The following FARP1 variants were observed in gnomAD, a reference collection of about 807,000 sequenced individuals.
The protein encoded by FARP1 is FERM, ARHGEF and pleckstrin domain-containing protein 1.
FARP1 carries 52 observed loss-of-function variants against 128.8 expected under a neutral mutation model. That is an observed-to-expected ratio of 0.40 (90% CI 0.32 to 0.51). The LOEUF (loss-of-function observed/expected upper bound fraction) is 0.51. Among genes scored for constraint, FARP1 ranks in the 20% least tolerant of loss-of-function variants. The pLI, the probability that FARP1 is intolerant of heterozygous loss-of-function variation, is 0.45. For synonymous variants in FARP1, 580 were observed against 551.8 expected (o/e 1.05, Z -0.72); for missense variants, 1,333 against 1,367.9 (o/e 0.97, Z 0.40).
intron 5 of FARP1, among the ~76,000 whole-genome samples, chr13:98,373,543 C>G (rs1279854348): frequency 1.0e-3 from 146 of 146,096 alleles, no homozygotes; most frequent in South Asian, 3.9e-3. Flanking sequence ...GACACACACA[C>G]ACACACACAC....
At chr13:98,244,394 A>G (rs1038212756) in intron 2 of FARP1, 2 of 1,117,104 alleles carry the variant, frequency 1.8e-6, no homozygotes, top group African/African-American at 1.6e-5. Flanking sequence ...ATCACTTCCA[A>G]AACTTTGCTG....
chr13:98,168,451 A>C (rs1877434351), intron 1 of FARP1, among the ~76,000 whole-genome samples: 1 of 152,210 alleles, frequency 6.6e-6, no homozygotes, highest in African/African-American at 2.4e-5. Context: ...TCAGATCATT[A>C]GATATCCTGT....
chr13:98,385,947 T>C, intron 8 of FARP1, 133 bp downstream of exon 8: 1 of 893,944 alleles, frequency 1.1e-6, no homozygotes, highest in Non-Finnish European at 1.7e-6. Context: ...AAAATTAACC[T>C]CATCTCAGGC....
intron 3 of FARP1, among the ~76,000 whole-genome samples, chr13:98,349,172 C>G (rs1888302163): frequency 6.6e-6 from 1 of 152,152 alleles, no homozygotes; most frequent in South Asian, 2.1e-4. Context: ...TAGGTTGATT[C>G]TTAACTTCCT....
chr13:98,157,530 C>T (rs1452256265), intron 1 of FARP1, among the ~76,000 whole-genome samples: 1 of 152,196 alleles, frequency 6.6e-6, no homozygotes, highest in Non-Finnish European at 1.5e-5. Flanking sequence ...CGTGCTTGTA[C>T]TGGCGTGTTT....
intron 16 of FARP1, among the ~76,000 whole-genome samples, chr13:98,421,867 A>AT (rs562180790): frequency 0.015 from 2,268 of 148,736 alleles, 47 homozygotes; most frequent in African/African-American, 0.048. Flanking sequence ...AAAAAAAAAA[A>AT]TTTTTTTTAA....
intron 2 of FARP1, among the ~76,000 whole-genome samples, chr13:98,238,925 C>T (rs1362802087): frequency 6.6e-6 from 1 of 152,098 alleles, no homozygotes. Context: ...TGTTCAAGGG[C>T]CAGCTGTACT....
chr13:98,289,011 G>C (rs911380039), intron 2 of FARP1, among the ~76,000 whole-genome samples: 21 of 150,498 alleles, frequency 1.4e-4, no homozygotes, highest in Non-Finnish European at 1.8e-4. Flanking sequence ...CGACTCAGTG[G>C]GATGATATTT....
chr13:98,431,355 C>T lies in FARP1; in HGVS notation c.2143+75C>T, dbSNP rs570028858. The T allele has an allele frequency of 5.0e-6, 5 of 1,005,876 alleles. No homozygotes were observed. In the East Asian group the frequency reaches 1.4e-4, roughly 27 times the overall value. 62.3% of individuals were successfully genotyped at this position (1,005,876 alleles called of 1,614,324 possible). A position where few individuals can be genotyped will look rare whatever the true frequency, so the allele number is the denominator to read the frequency against. The stretch of plus-strand genomic sequence containing the variant: ...CGGGTGCTCCCAGACTGAGCCCAGC[C>T]AGGGAGGGGCTCCCCGGGGAGAGAG... On this transcript the variant is annotated intron_variant, in intron 18 of 26. Coordinates refer to ENST00000319562, the MANE Select transcript of FARP1 (RefSeq NM_005766.4).
intron 1 of FARP1, among the ~76,000 whole-genome samples, chr13:98,165,646 T>C (rs1194017437): frequency 1.5e-5 from 2 of 136,022 alleles, no homozygotes; most frequent in African/African-American, 5.4e-5. Flanking sequence ...AAAACAAACC[T>C]GGTAAGACCT....
intron 2 of FARP1, among the ~76,000 whole-genome samples, chr13:98,308,437 C>T (rs116370298): frequency 0.044 from 6,764 of 152,030 alleles, 510 homozygotes; most frequent in African/African-American, 0.15. Flanking sequence ...GAATGCATCA[C>T]CTGAGGAAGG....
At chr13:98,275,787 G>A (rs935192844) in intron 2 of FARP1, among the ~76,000 whole-genome samples, 4 of 152,168 alleles carry the variant, frequency 2.6e-5, no homozygotes, top group Non-Finnish European at 4.4e-5. Context: ...ATTAATGGTT[G>A]ACTTGTGACC....
At position 98,214,527 on chromosome 13, in the gene FARP1, T is replaced by C. The variant is rs376693437; in HGVS notation, c.171+1114T>C. 3.9e-5 allele frequency among the ~76,000 whole-genome samples: 6 copies of C among 152,294 alleles called. No homozygotes were observed. The East Asian group carries it at 9.6e-4, about 24-fold the overall frequency. ...CCTGTTGGCTAGAGGGGCTGGAATT[T>C]AGTAGTCGGCATTAACGTTGGTAAC... On this transcript the variant is annotated intron_variant, in intron 2 of 26. Coordinates refer to ENST00000319562, the MANE Select transcript of FARP1 (RefSeq NM_005766.4).
intron 2 of FARP1, among the ~76,000 whole-genome samples, chr13:98,264,137 C>T (rs569463543): frequency 6.6e-6 from 1 of 152,276 alleles, no homozygotes; most frequent in East Asian, 1.9e-4. Context: ...ACCTGCAAAA[C>T]GGTGCTAATA....
chr13:98,144,786 C>T (rs1875393519), intron 1 of FARP1, among the ~76,000 whole-genome samples: 1 of 152,200 alleles, frequency 6.6e-6, no homozygotes, highest in Non-Finnish European at 1.5e-5. Flanking sequence ...TAAAAATTGG[C>T]TTCGTTGTTC....
chr13:98,358,767 T>C (rs959329387), intron 3 of FARP1, among the ~76,000 whole-genome samples: 1 of 151,880 alleles, frequency 6.6e-6, no homozygotes, highest in African/African-American at 2.4e-5. Flanking sequence ...TCTCGAGTAG[T>C]TGGGACTACA....
At chr13:98,349,169 A>G (rs957345257) in intron 3 of FARP1, among the ~76,000 whole-genome samples, 3 of 152,194 alleles carry the variant, frequency 2.0e-5, no homozygotes, top group Admixed American at 2.0e-4. Context: ...TGCTAGGTTG[A>G]TTCTTAACTT....
At position 98,287,246 on chromosome 13, in the gene FARP1, T is replaced by G. The variant is rs898987708; in HGVS notation, c.172-56516T>G. Among the ~76,000 whole-genome samples the G allele has an allele frequency of 5.9e-5, 6 of 101,202 alleles. No homozygotes were observed. In the East Asian group the frequency reaches 1.9e-3, roughly 31 times the overall value. 66.4% of individuals were successfully genotyped at this position (101,202 alleles called of 152,430 possible). ...TTTTTTTTTTTTTTTTTTTTTTTTT[T>G]TTGAGATGGAGTCTTGCTCTCTCTC... On this transcript the variant is annotated intron_variant, in intron 2 of 26. Transcript: ENST00000319562.
At chr13:98,306,651 A>G (rs1225065389) in intron 2 of FARP1, among the ~76,000 whole-genome samples, 1 of 150,242 alleles carries the variant, frequency 6.7e-6, no homozygotes, top group Non-Finnish European at 1.5e-5. Context: ...AGTAGCTGGG[A>G]CTACAGGTAC....
Sources: gnomAD v4.1 joint callset for allele counts (sites outside exome capture counted in the v4.1 genomes callset) on GRCh38, gnomAD v4.1.1 for gene constraint, MANE v1.5 for transcripts, NCBI Gene and HGNC (gene_info 2026-07-23, HGNC 2026-07-21) for gene names.